The following UBE2E2 variants were observed in gnomAD, a reference collection of about 807,000 sequenced individuals.
UBE2E2 encodes ubiquitin conjugating enzyme E2 E2, also known as ubiquitin-conjugating enzyme E2 E2.
UBE2E2 carries 6 observed loss-of-function variants against 24.7 expected under a neutral mutation model. That is an observed-to-expected ratio of 0.24 (90% confidence interval 0.13 to 0.48). The LOEUF (loss-of-function observed/expected upper bound fraction) is 0.48, where lower values mean the gene tolerates loss of function less well. Ranked by LOEUF, UBE2E2 falls within the 20% of genes least tolerant of loss-of-function variation. The probability of loss-of-function intolerance (pLI) is 0.99; values close to 1 mark genes in which losing one functional copy is unlikely to be tolerated. For synonymous variants in UBE2E2, 104 were observed against 83.6 expected (o/e 1.24, Z -1.33); for missense variants, 169 against 245.0 (o/e 0.69, Z 2.07).
intron 3 of UBE2E2, among the ~76,000 whole-genome samples, chr3:23,434,314 C>G (rs1363264757): frequency 6.6e-6 from 1 of 152,088 alleles, no homozygotes; most frequent in Non-Finnish European, 1.5e-5. Flanking sequence ...CTAACATAAC[C>G]TGGATTGTGA....
intron 3 of UBE2E2, among the ~76,000 whole-genome samples, chr3:23,354,321 G>T (rs1426056067): frequency 1.3e-5 from 2 of 152,080 alleles, no homozygotes; most frequent in Non-Finnish European, 2.9e-5. Context: ...GAGGACATAG[G>T]CATGGGCAAG....
intron 3 of UBE2E2, among the ~76,000 whole-genome samples, chr3:23,356,874 G>T (rs1004850806): frequency 4.6e-5 from 7 of 152,178 alleles, no homozygotes; most frequent in African/African-American, 1.7e-4. Context: ...GGTCCCTGGT[G>T]CCAAAAAGGT....
chr3:23,374,103 A>G (rs1393262227), intron 3 of UBE2E2, among the ~76,000 whole-genome samples: 1 of 152,182 alleles, frequency 6.6e-6, no homozygotes, highest in African/African-American at 2.4e-5. Flanking sequence ...TCAAAATATA[A>G]TGGTATAAAA....
At chr3:23,471,289 A>G (rs887960658) in intron 3 of UBE2E2, among the ~76,000 whole-genome samples, 1 of 152,234 alleles carries the variant, frequency 6.6e-6, no homozygotes, top group African/African-American at 2.4e-5. Flanking sequence ...CTTTAATCTC[A>G]TCATAAAACA....
chr3:23,364,684 A>C (rs1302424092), intron 3 of UBE2E2, among the ~76,000 whole-genome samples: 1 of 152,146 alleles, frequency 6.6e-6, no homozygotes, highest in Admixed American at 6.6e-5. Context: ...CAGCCAAACT[A>C]CTGAATGTGT....
intron 3 of UBE2E2, among the ~76,000 whole-genome samples, chr3:23,287,792 T>A (rs1698658228): frequency 6.7e-6 from 1 of 150,066 alleles, no homozygotes; most frequent in Non-Finnish European, 1.5e-5. Context: ...TTTTTTTACA[T>A]CTCTGATTTT....
chr3:23,404,481 A>G (rs557196777), intron 3 of UBE2E2, among the ~76,000 whole-genome samples: 4 of 152,258 alleles, frequency 2.6e-5, no homozygotes, highest in East Asian at 1.9e-4. Flanking sequence ...TTGACCCTAC[A>G]TTAGTAGAAA....
chr3:23,473,612 A>G (rs1171099440), intron 3 of UBE2E2, among the ~76,000 whole-genome samples: 1 of 152,112 alleles, frequency 6.6e-6, no homozygotes, highest in Non-Finnish European at 1.5e-5. Context: ...GAGTCCCCGA[A>G]GTCCACTGTG....
chr3:23,257,104 G>C (rs961853577), intron 3 of UBE2E2, among the ~76,000 whole-genome samples: 5 of 152,210 alleles, frequency 3.3e-5, no homozygotes, highest in Non-Finnish European at 7.3e-5. Flanking sequence ...GATGGATGTA[G>C]CTTGTGGGAG....
At chr3:23,387,737 C>T (rs1185701458) in intron 3 of UBE2E2, among the ~76,000 whole-genome samples, 3 of 152,228 alleles carry the variant, frequency 2.0e-5, no homozygotes, top group East Asian at 1.9e-4. Flanking sequence ...TGAAAATAAA[C>T]GAAGATAAAT....
At chr3:23,208,904 G>T (rs745945070) in intron 2 of UBE2E2, 29 bp downstream of exon 2, 3 of 1,559,042 alleles carry the variant, frequency 1.9e-6, no homozygotes, top group East Asian at 2.3e-5. Flanking sequence ...CCTTTTTATT[G>T]TTGGTATCAA....
chr3:23,209,103 G>GT lies in UBE2E2; in HGVS notation c.176+231dup, dbSNP rs1235385966. ...TTCATAACATACATTTCCATAGTGT[G>GT]TTTGTGTGTTTATGTATTATCAGGG... On this transcript the variant is annotated intron_variant, in intron 2 of 5. Coordinates refer to ENST00000396703, the MANE Select transcript of UBE2E2 (RefSeq NM_152653.4). Among the ~76,000 whole-genome samples the GT allele has an allele frequency of 2.0e-5, 3 of 152,056 alleles. No homozygotes were observed. In the East Asian group the frequency reaches 5.8e-4, roughly 29 times the overall value.
At chr3:23,356,693 C>T (rs553517614) in intron 3 of UBE2E2, among the ~76,000 whole-genome samples, 2 of 152,176 alleles carry the variant, frequency 1.3e-5, no homozygotes, top group Non-Finnish European at 2.9e-5. Context: ...AAAATCTTCT[C>T]ATATCAATTC....
In UBE2E2 at chr3:23,474,132, A is replaced by G. The variant is rs1486550629; in HGVS notation, c.228-25476A>G. ...TGTGGTTTTGATTTGCATTTCCCTGATCATTAGTGATGTTGAGCATTTTTT... is the reference window on the plus strand; with the variant it reads ...TGTGGTTTTGATTTGCATTTCCCTGGTCATTAGTGATGTTGAGCATTTTTT... On this transcript the variant is annotated intron_variant, in intron 3 of 5. Coordinates refer to ENST00000396703, the MANE Select transcript of UBE2E2 (RefSeq NM_152653.4). The surrounding 1 kb of genome is among the most constrained non-coding windows in gnomAD (Gnocchi z 4.0). Among the ~76,000 whole-genome samples the G allele has an allele frequency of 2.6e-5, 4 of 151,970 alleles. No individual in the cohort carries two copies.
intron 4 of UBE2E2, among the ~76,000 whole-genome samples, chr3:23,505,101 T>G (rs570748297): frequency 9.3e-5 from 14 of 150,826 alleles, no homozygotes; most frequent in African/African-American, 3.2e-4. Flanking sequence ...TTTTTTTTTT[T>G]GTAGAGACAG....
chr3:23,292,418 T>C (rs545649294), intron 3 of UBE2E2, among the ~76,000 whole-genome samples: 1 of 152,330 alleles, frequency 6.6e-6, no homozygotes, highest in African/African-American at 2.4e-5. Context: ...GACCTTATTT[T>C]TTTTTCAGAG....
In UBE2E2 at chr3:23,508,687, A is replaced by G. The variant is rs527646236; in HGVS notation, c.360+8947A>G. Among the ~76,000 whole-genome samples the G allele has an allele frequency of 2.2e-4, 33 of 152,308 alleles. No homozygotes were observed. In the East Asian group the frequency reaches 5.6e-3, roughly 26 times the overall value. ...GGTGGAGGTTTCAAACAAGTATTTT[A>G]CTGTGCTTCTCCATGCCCTGGAGTT... On this transcript the variant is annotated intron_variant, in intron 4 of 5. Transcript: ENST00000396703.
At chr3:23,582,081 G>T (rs922324575) in intron 5 of UBE2E2, among the ~76,000 whole-genome samples, 1 of 152,090 alleles carries the variant, frequency 6.6e-6, no homozygotes, top group African/African-American at 2.4e-5. Context: ...GTAGGCCATG[G>T]TATCTGTTGT....
chr3:23,415,044 C>G (rs1203240927), intron 3 of UBE2E2, among the ~76,000 whole-genome samples: 1 of 152,206 alleles, frequency 6.6e-6, no homozygotes, highest in African/African-American at 2.4e-5. Context: ...TGTGAAGCTA[C>G]TGGACTTGCT....
Sources: allele counts gnomAD v4.1 joint callset (sites outside exome capture counted in the v4.1 genomes callset), GRCh38; gene constraint gnomAD v4.1.1; non-coding constraint Gnocchi (gnomAD v3.1); transcripts MANE v1.5; gene names NCBI Gene and HGNC (gene_info 2026-07-23, HGNC 2026-07-21).